The following ARHGAP42 variants were observed in gnomAD, a reference collection of about 807,000 sequenced individuals.
ARHGAP42 encodes Rho GTPase activating protein 42, also known as rho GTPase-activating protein 42.
Under a neutral mutation model 125.0 loss-of-function variants are expected in ARHGAP42, and 63 were observed. The observed-to-expected ratio is 0.50, with a 90% CI of 0.41 to 0.62. ARHGAP42 has a LOEUF of 0.62. ARHGAP42 is among the 20% of genes least tolerant of loss of function. The probability of loss-of-function intolerance (pLI) is 0.00; values close to 1 mark genes in which losing one functional copy is unlikely to be tolerated. For missense variants in ARHGAP42, 766 were observed against 1,024.2 expected, an observed-to-expected ratio of 0.75 and a Z score of 3.44; for synonymous variants, 339 against 351.0, an observed-to-expected ratio of 0.97 and a Z score of 0.38.
At chr11:100,945,092 T>C (rs1328545734) in intron 10 of ARHGAP42, among the ~76,000 whole-genome samples, 2 of 152,094 alleles carry the variant, frequency 1.3e-5, no homozygotes, top group Non-Finnish European at 2.9e-5. Context: ...GTTGTTGTCA[T>C]TCAAAAACGT....
At chr11:100,987,856 G>A (rs189434275) in intron 23 of ARHGAP42, among the ~76,000 whole-genome samples, 3 of 148,582 alleles carry the variant, frequency 2.0e-5, no homozygotes, top group Admixed American at 6.7e-5. Flanking sequence ...TAGGCCAGGC[G>A]CGGTGACTCA....
At chr11:100,974,309 G>C in intron 18 of ARHGAP42, 150 bp from the exon 19 acceptor site, 1 of 674,680 alleles carries the variant, frequency 1.5e-6, no homozygotes, top group South Asian at 3.3e-5. Flanking sequence ...CCCCGTGAAA[G>C]AATACTCCAG....
At chr11:100,792,989 C>T (rs540041846) in intron 2 of ARHGAP42, among the ~76,000 whole-genome samples, 3 of 152,188 alleles carry the variant, frequency 2.0e-5, no homozygotes, top group South Asian at 2.1e-4. Flanking sequence ...CTCCTGACCT[C>T]GTGACCTGCA....
intron 12 of ARHGAP42, among the ~76,000 whole-genome samples, chr11:100,950,526 CATGGTAT>C: frequency 6.6e-6 from 1 of 151,660 alleles, no homozygotes; most frequent in South Asian, 2.1e-4. Context: ...TGTCATTACA[CATGGTAT>C]ATGTTGGAAA....
chr11:100,701,582 GCTT>G (rs1260237578), intron 1 of ARHGAP42, among the ~76,000 whole-genome samples: 1 of 152,172 alleles, frequency 6.6e-6, no homozygotes, highest in African/African-American at 2.4e-5. Flanking sequence ...TGTAGGGATG[GCTT>G]CTTTTCTTAC....
intron 3 of ARHGAP42, among the ~76,000 whole-genome samples, chr11:100,838,216 C>T (rs117499061): frequency 0.011 from 1,628 of 151,998 alleles, 18 homozygotes; most frequent in Middle Eastern, 0.02. Flanking sequence ...AATTAAGGCA[C>T]CTGGTGTTGC....
intron 12 of ARHGAP42, among the ~76,000 whole-genome samples, chr11:100,953,418 G>A (rs1335170590): frequency 2.0e-5 from 3 of 152,100 alleles, no homozygotes; most frequent in African/African-American, 4.8e-5. Context: ...TTAGGTAAAC[G>A]TTTGTTTGAA....
chr11:100,818,521 A>G (rs926074891), intron 3 of ARHGAP42, among the ~76,000 whole-genome samples: 7 of 151,830 alleles, frequency 4.6e-5, no homozygotes, highest in African/African-American at 1.7e-4. Flanking sequence ...CTGAAATGAT[A>G]TATGCCAATG....
chr11:100,891,950 G>A (rs940682479), intron 4 of ARHGAP42, among the ~76,000 whole-genome samples: 4 of 152,202 alleles, frequency 2.6e-5, no homozygotes, highest in Admixed American at 2.6e-4. Context: ...AAGGAGGGCT[G>A]TCTAAGCAAA....
chr11:100,959,841 G>A lies in ARHGAP42; in HGVS notation c.1163-42G>A, dbSNP rs930590125. On this transcript the variant is annotated intron_variant, in intron 12 of 23. Coordinates refer to ENST00000298815, the MANE Select transcript of ARHGAP42 (RefSeq NM_152432.4). ...AGAGCCAACTGAAGGGGGAATGTGA[G>A]TTCAGCGTAAACACCTAATGCGATT... 11 of 1,531,760 alleles carry A rather than the reference G, an allele frequency of 7.2e-6. No individual in the cohort carries two copies. The East Asian group carries it at 1.5e-4, about 20-fold the overall frequency. 94.9% of individuals were successfully genotyped at this position (1,531,760 alleles called of 1,614,324 possible).
chr11:100,957,384 C>CTTAGGTTT (rs1857832877), intron 12 of ARHGAP42, among the ~76,000 whole-genome samples: 7 of 152,036 alleles, frequency 4.6e-5, no homozygotes, highest in Admixed American at 3.3e-4. Flanking sequence ...CTTACTACAA[C>CTTAGGTTT]TGTTTAACTT....
At position 100,687,847 on chromosome 11, in the gene ARHGAP42, C is replaced by A; in HGVS notation, c.154+15C>A. 1 of 1,538,430 alleles carries A rather than the reference C, an allele frequency of 6.5e-7. No homozygotes were observed. The highest frequency in any genetic ancestry group is 8.8e-7 in the Non-Finnish European group (1 of 1,138,924). The stretch of plus-strand genomic sequence containing the variant: ...GGCGTTGAGGAGTAAGTAGGGCTGG[C>A]GGGGGAGTGGACACCCGCATCTGGA... On this transcript the variant is annotated intron_variant, in intron 1 of 23. Coordinates refer to ENST00000298815, the MANE Select transcript of ARHGAP42 (RefSeq NM_152432.4).
intron 1 of ARHGAP42, among the ~76,000 whole-genome samples, chr11:100,744,136 A>G (rs1369142229): frequency 6.6e-6 from 1 of 152,116 alleles, no homozygotes; most frequent in Non-Finnish European, 1.5e-5. Flanking sequence ...ACGCCCGGCT[A>G]ATTTTTCTAT....
chr11:100,688,382 C>G (rs939595729), intron 1 of ARHGAP42, among the ~76,000 whole-genome samples: 1 of 152,188 alleles, frequency 6.6e-6, no homozygotes, highest in African/African-American at 2.4e-5. Flanking sequence ...TGCATTTTAA[C>G]TCTGCAAGTT....
At chr11:100,949,158 C>A (rs1386953407) in intron 11 of ARHGAP42, among the ~76,000 whole-genome samples, 1 of 151,924 alleles carries the variant, frequency 6.6e-6, no homozygotes, top group South Asian at 2.1e-4. Context: ...AAATAAGAGT[C>A]GCCATCCTGT....
rs1858875117 is a variant in ARHGAP42 at position 100,992,802 on chromosome 11, A to G, written c.*4001A>G. On this transcript the variant is annotated 3_prime_UTR_variant, in exon 24 of 24. Transcript: ENST00000298815. The stretch of plus-strand genomic sequence containing the variant: ...AGAATCTTACATAAGAATGTTGACA[A>G]CATTCACAGTAAGCCATTGGCAGAA... The G allele has an allele frequency of 2.3e-6, 3 of 1,333,252 alleles. No homozygotes were observed. In the African/African-American group the frequency reaches 4.4e-5, roughly 20 times the overall value. 82.6% of individuals were successfully genotyped at this position (1,333,252 alleles called of 1,614,324 possible).
chr11:100,962,769 G>A (rs74991022), intron 16 of ARHGAP42, among the ~76,000 whole-genome samples: 7,510 of 152,088 alleles, frequency 0.049, 327 homozygotes, highest in East Asian at 0.25. Flanking sequence ...CCAGCTGCTC[G>A]GGAAGCTGAG....
chr11:100,687,962 C>CTCCCCTGCTCTCTTTTG (rs1276038845), intron 1 of ARHGAP42, 130 bp downstream of exon 1: 1 of 1,063,408 alleles, frequency 9.4e-7, no homozygotes, highest in East Asian at 2.8e-5. Context: ...AGCTGAAGAG[C>CTCCCCTGCTCTCTTTTG]TCCCCTGCTG....
intron 4 of ARHGAP42, among the ~76,000 whole-genome samples, chr11:100,869,869 A>G (rs543605196): frequency 1.3e-5 from 2 of 152,244 alleles, no homozygotes; most frequent in South Asian, 2.1e-4. Flanking sequence ...CCTTATTTTG[A>G]TGCCTAAAGA....
Sources: gnomAD v4.1 joint callset for allele counts (sites outside exome capture counted in the v4.1 genomes callset) on GRCh38, gnomAD v4.1.1 for gene constraint, MANE v1.5 for transcripts, NCBI Gene and HGNC (gene_info 2026-07-23, HGNC 2026-07-21) for gene names.